STRADB: variants seen among roughly 807,000 people sequenced by gnomAD.
STRADB encodes STE20 related adaptor beta, also known as STE20-related kinase adapter protein beta.
A neutral mutation model predicts 52.1 loss-of-function variants in STRADB; 34 were observed. That is an observed-to-expected ratio of 0.65 (90% CI 0.50 to 0.87). STRADB has a LOEUF of 0.87. Ranked by LOEUF, STRADB falls within the 40% of genes least tolerant of loss-of-function variation. STRADB has a pLI of 0.00. For synonymous variants in STRADB, 133 were observed against 174.5 expected, an observed-to-expected ratio of 0.76 and a Z score of 1.87; for missense variants, 340 against 483.9, an observed-to-expected ratio of 0.70 and a Z score of 2.79.
Position 201,478,562 on chromosome 2 carries a change from G to C in STRADB, c.1031G>C (p.Ser344Thr), listed in dbSNP as rs1029142455. ...AAAACTTTCTCTCCTGCCTTCTTTA[G>C]CTTGGTACAGCTCTGTTTGCAACAA... The part of the protein sequence containing the change: ...SSKTFSPAFF[S>T]LVQLCLQQDP... Residue 344 changes from serine to threonine, a missense_variant, in exon 10 of 12, where the codon AGC (serine) becomes ACC (threonine). Ser to Thr is a moderately conservative substitution (Grantham distance 58). Coordinates refer to ENST00000194530, the MANE Select transcript of STRADB (RefSeq NM_018571.6). 26 of 1,613,770 alleles carry C rather than the reference G, an allele frequency of 1.6e-5. No homozygotes were observed. Among genetic ancestry groups the C allele is most frequent in the Non-Finnish European group, 2.1e-5 (25 of 1,179,990 alleles).
chr2:201,468,626 C>A (rs1289173421), intron 3 of STRADB, among the ~76,000 whole-genome samples: 1 of 152,072 alleles, frequency 6.6e-6, no homozygotes, highest in Non-Finnish European at 1.5e-5. Context: ...ACTAATTCCC[C>A]AATGGAATAG....
intron 5 of STRADB, 83 bp downstream of exon 5, chr2:201,473,159 G>A: frequency 5.0e-6 from 6 of 1,198,160 alleles, no homozygotes; most frequent in South Asian, 1.9e-5. Context: ...ATTGTGAATA[G>A]AAAATATATA....
At chr2:201,474,809 A>G (rs1952446892) in intron 6 of STRADB, 54 bp downstream of exon 6, 1 of 1,328,254 alleles carries the variant, frequency 7.5e-7, no homozygotes, top group South Asian at 1.3e-5. Context: ...ATAATTATAT[A>G]GATGAGTTGG....
chr2:201,457,723 A>T (rs1422183390), intron 2 of STRADB, among the ~76,000 whole-genome samples: 3 of 152,188 alleles, frequency 2.0e-5, no homozygotes, highest in Non-Finnish European at 2.9e-5. Context: ...AAGATGCTTG[A>T]AATGAAAAAT....
rs113719398 is a variant in STRADB, at chr2:201,457,772, C to T, written c.13-1012C>T. On this transcript the variant is annotated intron_variant, in intron 2 of 11. Coordinates refer to ENST00000194530, the MANE Select transcript of STRADB (RefSeq NM_018571.6). ...TGGTGGCTCACGCCTATAATCCCAGCACTTTGGAAGGCTGAGGTGGGCGGA... is the reference window on the plus strand; with the variant it reads ...TGGTGGCTCACGCCTATAATCCCAGTACTTTGGAAGGCTGAGGTGGGCGGA... Among the ~76,000 whole-genome samples the T allele has an allele frequency of 2.3e-3, 350 of 152,260 alleles. 1 individual carries two copies. The highest frequency in any genetic ancestry group is 4.1e-3 in the Admixed American group (63 of 15,300).
In STRADB at chr2:201,480,342, C is replaced by A. The variant is rs1258980764; in HGVS notation, c.*167C>A. 1 of 1,458,372 alleles carries A rather than the reference C, an allele frequency of 6.9e-7. No individual in the cohort carries two copies. Among genetic ancestry groups the A allele is most frequent in the Non-Finnish European group, 9.0e-7 (1 of 1,110,412 alleles). The allele number at this position is 1,458,372 out of a possible 1,614,324, so 90.3% of individuals were successfully genotyped here. ...GTTCAAAGGGGCACCAGTTTGTAGTCCCTCTGTTTCGCACAGAGTACTATG... is the reference window on the plus strand; with the variant it reads ...GTTCAAAGGGGCACCAGTTTGTAGTACCTCTGTTTCGCACAGAGTACTATG... On this transcript the variant is annotated 3_prime_UTR_variant, in exon 12 of 12. Coordinates refer to ENST00000194530, the MANE Select transcript of STRADB (RefSeq NM_018571.6).
At chr2:201,465,126 C>T (rs1952279582) in intron 3 of STRADB, among the ~76,000 whole-genome samples, 1 of 151,500 alleles carries the variant, frequency 6.6e-6, no homozygotes, top group African/African-American at 2.4e-5. Flanking sequence ...CAAGACCAAG[C>T]CCCCTTTACT....
At chr2:201,466,532 T>C (rs1159416529) in intron 3 of STRADB, among the ~76,000 whole-genome samples, 1 of 152,216 alleles carries the variant, frequency 6.6e-6, no homozygotes, top group African/African-American at 2.4e-5. Context: ...ACACCATCTG[T>C]TGTCTTTTCT....
At chr2:201,454,973 C>T (rs1952105462) in intron 2 of STRADB, 121 bp downstream of exon 2, 3 of 845,872 alleles carry the variant, frequency 3.5e-6, no homozygotes. Context: ...ATTGTTTTGA[C>T]CTGATTGACT....
intron 10 of STRADB, chr2:201,479,218 A>G (rs556175404): frequency 2.9e-6 from 1 of 346,608 alleles, no homozygotes; most frequent in African/African-American, 2.2e-5. Flanking sequence ...TCTAAGTAGT[A>G]TAAAATGTAA....
At chr2:201,454,673 A>T (rs1439914012) in intron 1 of STRADB, 73 bp from the exon 2 acceptor site, 1 of 489,124 alleles carries the variant, frequency 2.0e-6, no homozygotes, top group Non-Finnish European at 3.5e-6. Flanking sequence ...TAAATATTGG[A>T]TGGGTTTAAG....
intron 1 of STRADB, among the ~76,000 whole-genome samples, chr2:201,454,140 C>A (rs539896155): frequency 6.6e-6 from 1 of 152,272 alleles, no homozygotes; most frequent in South Asian, 2.1e-4. Flanking sequence ...AAGATTGCCA[C>A]CCTTTCTATT....
intron 1 of STRADB, among the ~76,000 whole-genome samples, chr2:201,452,888 C>T (rs532942014): frequency 3.2e-4 from 48 of 152,118 alleles, no homozygotes; most frequent in Non-Finnish European, 5.9e-4. Flanking sequence ...TCGTAATTAG[C>T]GTTTTGGATA....
chr2:201,457,268 A>T (rs1251466528), intron 2 of STRADB: 1 of 152,236 alleles, frequency 6.6e-6, no homozygotes, highest in East Asian at 1.9e-4. Flanking sequence ...AAAAATATAT[A>T]AATACCAAAC....
rs1952044192 is a variant in STRADB at position 201,451,787 on chromosome 2, CCCCGGTCG to C, written c.-245_-238del. The C allele has an allele frequency of 6.6e-6, 1 of 152,130 alleles. No individual in the cohort carries two copies. The highest frequency in any genetic ancestry group is 1.5e-5 in the Non-Finnish European group (1 of 68,040). 9.4% of individuals were successfully genotyped at this position (152,130 alleles called of 1,614,324 possible). ...CTGGTGCAGAGTTCCAAGCCCACGG[CCCCGGTCG>C]CGGCCTCGCCGCCCTCCCGCGCCCC... On this transcript the variant is annotated 5_prime_UTR_variant, in exon 1 of 12. Transcript: ENST00000194530.
intron 4 of STRADB, 65 bp from the exon 5 acceptor site, chr2:201,472,890 G>A: frequency 6.8e-7 from 1 of 1,474,286 alleles, no homozygotes; most frequent in Non-Finnish European, 9.1e-7. Flanking sequence ...CAATTTTGAT[G>A]ATGTCTAAAT....
intron 3 of STRADB, among the ~76,000 whole-genome samples, chr2:201,466,155 C>T (rs1952302084): frequency 6.6e-6 from 1 of 152,148 alleles, no homozygotes; most frequent in South Asian, 2.1e-4. Flanking sequence ...TCTTTATCCA[C>T]CTCCCTCCCA....
chr2:201,470,098 AATTG>A (rs2125679155), intron 4 of STRADB, 46 bp downstream of exon 4: 3 of 1,398,918 alleles, frequency 2.1e-6, no homozygotes, highest in Non-Finnish European at 3.0e-6. Context: ...CTAGAAATTA[AATTG>A]ATGACAAAAA....
chr2:201,452,312 C>A (rs1328871347), intron 1 of STRADB, among the ~76,000 whole-genome samples: 2 of 152,226 alleles, frequency 1.3e-5, no homozygotes, highest in African/African-American at 4.8e-5. Context: ...ATATCGAAGA[C>A]ACCCTCAGAC....
Sources: gnomAD v4.1 joint callset for allele counts (sites outside exome capture counted in the v4.1 genomes callset) on GRCh38, gnomAD v4.1.1 for gene constraint, MANE v1.5 for transcripts, NCBI Gene and HGNC (gene_info 2026-07-23, HGNC 2026-07-21) for gene names.